TFAP2D: variants seen among roughly 807,000 people sequenced by gnomAD.
TFAP2D encodes the protein transcription factor AP-2 delta.
TFAP2D carries 9 observed loss-of-function variants against 43.6 expected under a neutral mutation model. The ratio of observed to expected loss-of-function variants is 0.21; its 90% confidence interval spans 0.12 to 0.36. The LOEUF (loss-of-function observed/expected upper bound fraction) is 0.36. Among genes scored for constraint, TFAP2D ranks in the 10% least tolerant of loss-of-function variants. TFAP2D has a pLI of 1.00. For synonymous variants in TFAP2D, 256 were observed against 224.9 expected, an observed-to-expected ratio of 1.14 and a Z score of -1.24; for missense variants, 513 against 561.4, an observed-to-expected ratio of 0.91 and a Z score of 0.87.
intron 7 of TFAP2D, among the ~76,000 whole-genome samples, chr6:50,758,109 T>G (rs1330656854): frequency 6.6e-6 from 1 of 151,718 alleles, no homozygotes; most frequent in South Asian, 2.1e-4. Context: ...TGCTTAATTC[T>G]CCTATTTAAC....
chr6:50,745,022 G>C, intron 5 of TFAP2D, 85 bp from the exon 6 acceptor site: 1 of 1,510,734 alleles, frequency 6.6e-7, no homozygotes, highest in East Asian at 2.3e-5. Flanking sequence ...CCACAGCCAG[G>C]AGTGAGGCTT....
chr6:50,754,154 C>A (rs78616927), intron 7 of TFAP2D, among the ~76,000 whole-genome samples: 8,947 of 151,986 alleles, frequency 0.059, 340 homozygotes, highest in Middle Eastern at 0.13. Context: ...CCTCTGTCAA[C>A]TACCATTCTG....
At chr6:50,763,869 C>T (rs1260314574) in intron 7 of TFAP2D, among the ~76,000 whole-genome samples, 1 of 152,122 alleles carries the variant, frequency 6.6e-6, no homozygotes, top group Non-Finnish European at 1.5e-5. Flanking sequence ...AGTGAATTGA[C>T]TGGCAAACAC....
At chr6:50,770,904 A>T (rs1561943257) in intron 7 of TFAP2D, among the ~76,000 whole-genome samples, 1 of 152,182 alleles carries the variant, frequency 6.6e-6, no homozygotes, top group South Asian at 2.1e-4. Context: ...ATATATATAT[A>T]TTATAACATG....
At chr6:50,743,355 ATTTTGTTTTGTTTTG>A (rs70974545) in intron 5 of TFAP2D, among the ~76,000 whole-genome samples, 34 of 149,472 alleles carry the variant, frequency 2.3e-4, no homozygotes, top group Middle Eastern at 3.4e-3. Context: ...AAAATAGTAT[ATTTTGTTTTGTTTTG>A]TTTTGTTTTG....
chr6:50,737,547 G>A (rs1261987046), intron 5 of TFAP2D, among the ~76,000 whole-genome samples: 1 of 152,108 alleles, frequency 6.6e-6, no homozygotes, highest in East Asian at 1.9e-4. Context: ...TTTTCACTCT[G>A]TTCCCCAGTC....
intron 1 of TFAP2D, 70 bp from the exon 2 acceptor site, chr6:50,715,046 G>A: frequency 6.4e-7 from 1 of 1,553,508 alleles, no homozygotes; most frequent in Non-Finnish European, 8.7e-7. Context: ...CTCCGGGAGA[G>A]CGGCGCCTTG....
intron 7 of TFAP2D, among the ~76,000 whole-genome samples, chr6:50,754,560 T>C (rs1163807832): frequency 1.3e-5 from 2 of 151,964 alleles, no homozygotes; most frequent in African/African-American, 4.8e-5. Flanking sequence ...ATTTTATTTG[T>C]CATTTTTTGA....
At chr6:50,760,604 C>T (rs1488328967) in intron 7 of TFAP2D, among the ~76,000 whole-genome samples, 1 of 151,900 alleles carries the variant, frequency 6.6e-6, no homozygotes, top group African/African-American at 2.4e-5. Context: ...AATTAAATTC[C>T]ATTTTAAAAG....
At chr6:50,717,934 T>C (rs1768654303) in intron 2 of TFAP2D, 1 of 152,220 alleles carries the variant, frequency 6.6e-6, no homozygotes, top group South Asian at 2.1e-4. Context: ...AAATATACTT[T>C]TCCCTGCACA....
At chr6:50,754,819 A>AT (rs537646973) in intron 7 of TFAP2D, among the ~76,000 whole-genome samples, 58 of 150,700 alleles carry the variant, frequency 3.8e-4, no homozygotes, top group East Asian at 7.8e-4. Context: ...TGACCAGGTT[A>AT]TTTTTTTTTA....
rs1024805102 is a variant in TFAP2D at position 50,762,689 on chromosome 6, TAA to T, written c.1140-9955_1140-9954del. Among the ~76,000 whole-genome samples the T allele has an allele frequency of 3.9e-5, 6 of 152,236 alleles. No homozygotes were observed. The East Asian group carries it at 7.7e-4, about 20-fold the overall frequency. On this transcript the variant is annotated intron_variant, in intron 7 of 7. Coordinates refer to ENST00000008391, the MANE Select transcript of TFAP2D (RefSeq NM_172238.4). ...AAATTAGGAAGATGACTGTTAAATA[TAA>T]GTTACATTTTCCCTAACATCAGGTG... is the stretch of plus-strand genomic sequence containing the variant.
intron 7 of TFAP2D, among the ~76,000 whole-genome samples, chr6:50,757,294 GATATTCTCT>G (rs577930266): frequency 0.024 from 3,369 of 141,044 alleles, 133 homozygotes; most frequent in African/African-American, 0.082. Flanking sequence ...TCTCTATATA[GATATTCTCT>G]ATATTCTCTA....
chr6:50,715,365 C>T lies in TFAP2D; in HGVS notation c.289C>T (p.His97Tyr). ...PDAYSLNSLH[H>Y]SQQYYQQIHH... is the part of the protein sequence containing the mutation. Reference sequence around the variant, plus strand: ...CGCCTACTCTCTGAACTCTCTCCACCACTCGCAACAGTACTACCAGCAGAT... The same window carrying T: ...CGCCTACTCTCTGAACTCTCTCCACTACTCGCAACAGTACTACCAGCAGAT... The change falls in exon 2 of 8, where the codon CAC becomes TAC. Residue 97 changes from histidine to tyrosine, a missense_variant. His to Tyr is a moderately conservative substitution (Grantham distance 83). This residue lies in a region of TFAP2D where 311 missense variants were observed against 316.2 expected (regional missense o/e 0.98). Coordinates refer to ENST00000008391, the MANE Select transcript of TFAP2D (RefSeq NM_172238.4). The T allele has an allele frequency of 1.9e-6, 3 of 1,614,164 alleles. No individual in the cohort carries two copies. Among genetic ancestry groups the T allele is most frequent in the Non-Finnish European group, 2.5e-6 (3 of 1,180,038 alleles).
intron 7 of TFAP2D, among the ~76,000 whole-genome samples, chr6:50,771,774 A>G (rs1181316447): frequency 2.0e-5 from 3 of 152,144 alleles, no homozygotes; most frequent in African/African-American, 7.2e-5. Flanking sequence ...AGAAATAGGA[A>G]TATTTTTACA....
chr6:50,720,735 G>T (rs1310000773), intron 3 of TFAP2D, among the ~76,000 whole-genome samples: 1 of 152,148 alleles, frequency 6.6e-6, no homozygotes, highest in Non-Finnish European at 1.5e-5. Flanking sequence ...TCAGGGGTCT[G>T]TTGGGACGGG....
intron 5 of TFAP2D, among the ~76,000 whole-genome samples, chr6:50,744,748 TG>T (rs1769100370): frequency 6.6e-6 from 1 of 152,158 alleles, no homozygotes; most frequent in East Asian, 1.9e-4. Flanking sequence ...AGCCACAAAA[TG>T]ACTTGTCCAT....
chr6:50,749,576 T>C (rs1365776910), intron 6 of TFAP2D, among the ~76,000 whole-genome samples: 2 of 151,810 alleles, frequency 1.3e-5, no homozygotes, highest in Non-Finnish European at 2.9e-5. Context: ...AGTTAGAAAT[T>C]TCCATAAACA....
At chr6:50,753,438 A>G (rs1769224855) in intron 7 of TFAP2D, among the ~76,000 whole-genome samples, 1 of 151,956 alleles carries the variant, frequency 6.6e-6, no homozygotes, top group African/African-American at 2.4e-5. Context: ...TTGCCAACTT[A>G]GTGCCACAGA....
Sources: allele counts gnomAD v4.1 joint callset (sites outside exome capture counted in the v4.1 genomes callset), GRCh38; gene constraint gnomAD v4.1.1; regional missense constraint gnomAD v4.1.1; transcripts MANE v1.5; gene names NCBI Gene and HGNC (gene_info 2026-07-23, HGNC 2026-07-21).